Variants in MALRD1 observed in about 807,000 individuals in gnomAD.
MALRD1 encodes the protein MAM and LDL-receptor class A domain-containing protein 1.
Under a neutral mutation model 242.1 loss-of-function variants are expected in MALRD1, and 247 were observed. The observed-to-expected ratio is 1.02, with a 90% confidence interval of 0.92 to 1.13. The LOEUF (loss-of-function observed/expected upper bound fraction) is 1.13. Among genes scored for constraint, MALRD1 ranks in the 50% most tolerant of loss-of-function variants. The pLI, the probability that MALRD1 is intolerant of heterozygous loss-of-function variation, is 0.00. For missense variants in MALRD1, 2,989 were observed against 2,533.1 expected (o/e 1.18, Z -3.86); for synonymous variants, 995 against 866.6 (o/e 1.15, Z -2.60).
intron 2 of MALRD1, among the ~76,000 whole-genome samples, chr10:19,076,078 A>G (rs1835307751): frequency 6.6e-6 from 1 of 151,912 alleles, no homozygotes; most frequent in African/African-American, 2.4e-5. Context: ...TCTCTTTTAC[A>G]TGGTTCCAGT....
chr10:19,270,336 TCACACACACACACACACA>T (rs200537040), intron 19 of MALRD1, among the ~76,000 whole-genome samples: 31 of 130,962 alleles, frequency 2.4e-4, no homozygotes, highest in South Asian at 2.5e-4. Flanking sequence ...TCTCTCTCTC[TCACACACACACACACACA>T]CACACACACA....
intron 32 of MALRD1, among the ~76,000 whole-genome samples, chr10:19,560,654 C>G (rs111890889): frequency 1.9e-3 from 296 of 152,232 alleles, no homozygotes; most frequent in African/African-American, 6.9e-3. Flanking sequence ...GAGTTCATGT[C>G]TTTTGCCGGG....
rs973959301 is a variant in MALRD1, at chr10:19,187,741, G to A, written c.1951+12413G>A. The stretch of plus-strand genomic sequence containing the variant: ...AACCAAATACCACATGTTCTCACTC[G>A]TAAGTGGGAACTAAAACATTGAGTT... On this transcript the variant is annotated intron_variant, in intron 14 of 39. Coordinates refer to ENST00000454679, the MANE Select transcript of MALRD1 (RefSeq NM_001142308.3). Among the ~76,000 whole-genome samples the A allele has an allele frequency of 1.2e-4, 18 of 152,066 alleles. No homozygotes were observed. In the South Asian group the frequency reaches 2.9e-3, roughly 24 times the overall value.
intron 36 of MALRD1, among the ~76,000 whole-genome samples, chr10:19,643,256 A>AC (rs1199274319): frequency 6.6e-6 from 1 of 151,820 alleles, no homozygotes; most frequent in Non-Finnish European, 1.5e-5. Context: ...ACATGGTGAA[A>AC]CCCCGTCTCT....
At chr10:19,103,562 A>ATAAAT (rs1554789199) in intron 4 of MALRD1, among the ~76,000 whole-genome samples, 53 of 142,660 alleles carry the variant, frequency 3.7e-4, no homozygotes, top group Admixed American at 1.0e-3. Flanking sequence ...AAAAAAAAAA[A>ATAAAT]AAATAAATAA....
intron 36 of MALRD1, among the ~76,000 whole-genome samples, chr10:19,626,017 A>C (rs966395112): frequency 1.3e-5 from 2 of 152,180 alleles, no homozygotes; most frequent in African/African-American, 4.8e-5. Flanking sequence ...CCAAAGTTTC[A>C]AAAAGTCAAT....
intron 24 of MALRD1, among the ~76,000 whole-genome samples, chr10:19,335,790 T>C (rs1843579891): frequency 6.6e-6 from 1 of 152,072 alleles, no homozygotes; most frequent in Admixed American, 6.6e-5. Flanking sequence ...ATATAAAACA[T>C]TTCATGGAGA....
intron 18 of MALRD1, among the ~76,000 whole-genome samples, chr10:19,249,051 GTA>G (rs1043970572): frequency 9.5e-5 from 14 of 147,828 alleles, no homozygotes; most frequent in Admixed American, 3.4e-4. Context: ...ACATATGTGT[GTA>G]TATGTCTCTG....
intron 28 of MALRD1, among the ~76,000 whole-genome samples, chr10:19,438,350 C>A (rs1834443428): frequency 6.6e-6 from 1 of 152,108 alleles, no homozygotes; most frequent in South Asian, 2.1e-4. Flanking sequence ...AATAATATTC[C>A]ATTTTATGTA....
At chr10:19,072,616 GAATA>G (rs773474113) in intron 2 of MALRD1, among the ~76,000 whole-genome samples, 5 of 151,950 alleles carry the variant, frequency 3.3e-5, no homozygotes, top group Admixed American at 6.6e-5. Context: ...GGACATAAAT[GAATA>G]AAGAATATAA....
chr10:19,284,249 CT>C (rs35891152), intron 21 of MALRD1, among the ~76,000 whole-genome samples: 37,705 of 147,754 alleles, frequency 0.26, 4,847 homozygotes, highest in South Asian at 0.42. Context: ...TACATACCAA[CT>C]TTTTTTTTTT....
intron 32 of MALRD1, among the ~76,000 whole-genome samples, chr10:19,550,462 T>A (rs1162664693): frequency 6.6e-6 from 1 of 152,112 alleles, no homozygotes; most frequent in Non-Finnish European, 1.5e-5. Flanking sequence ...CTAGTACCAA[T>A]TAATTATTTT....
chr10:19,389,232 G>C, intron 27 of MALRD1: 1 of 653,318 alleles, frequency 1.5e-6, no homozygotes, highest in South Asian at 1.5e-5. Flanking sequence ...CAGTTAATCT[G>C]CATACTGTGA....
chr10:19,535,433 T>A, intron 32 of MALRD1, among the ~76,000 whole-genome samples: 1 of 151,520 alleles, frequency 6.6e-6, no homozygotes, highest in Non-Finnish European at 1.5e-5. Flanking sequence ...TGAAAATGTG[T>A]ATATGGCTAT....
Position 19,214,455 on chromosome 10 carries a change from A to G in MALRD1, c.2991+4775A>G, listed in dbSNP as rs7071296. On this transcript the variant is annotated intron_variant, in intron 18 of 39. Transcript: ENST00000454679. ...CATGGTCATTGCAGAAGTCAACCTA[A>G]CTGATATTTATCAATACAGTCTGTT... 4.7e-3 allele frequency among the ~76,000 whole-genome samples: 723 copies of G among 152,250 alleles called. 6 individuals are homozygous for G. Among genetic ancestry groups the G allele is most frequent in the Middle Eastern group, 0.017 (5 of 294 alleles).
At chr10:19,314,650 A>G (rs1591331) in intron 21 of MALRD1, among the ~76,000 whole-genome samples, 92,872 of 151,378 alleles carry the variant, frequency 0.61, 28,694 homozygotes, top group African/African-American at 0.67. Flanking sequence ...GCAAAATCCA[A>G]TCTGATGCCT....
In MALRD1 at chr10:19,257,667, T is replaced by G. The variant is rs1215962373; in HGVS notation, c.2992-17T>G. On this transcript the variant is annotated splice_polypyrimidine_tract_variant and intron_variant, in intron 18 of 39. Transcript: ENST00000454679. The stretch of plus-strand genomic sequence containing the variant: ...TAAACACATTTCTTATTTTTATTTT[T>G]TATTTTATTTTTTTAGATATTGGTG... The G allele has an allele frequency of 6.7e-7, 1 of 1,495,178 alleles. No homozygotes were observed. 92.6% of individuals were successfully genotyped at this position (1,495,178 alleles called of 1,614,324 possible). A position where few individuals can be genotyped will look rare whatever the true frequency, so the allele number is the denominator to read the frequency against.
At chr10:19,603,243 G>T (rs917056465) in intron 34 of MALRD1, among the ~76,000 whole-genome samples, 1 of 152,142 alleles carries the variant, frequency 6.6e-6, no homozygotes, top group Non-Finnish European at 1.5e-5. Context: ...ATTGCTTTTG[G>T]TGTTTTAGAC....
chr10:19,159,098 G>A lies in MALRD1; in HGVS notation c.1656+3926G>A, dbSNP rs536008649. Among the ~76,000 whole-genome samples, 61 of 152,206 alleles carry A rather than the reference G, an allele frequency of 4.0e-4. 1 individual carries two copies. The highest frequency in any genetic ancestry group is 1.4e-3 in the African/African-American group (58 of 41,530). ...CACATAAAGATTAATCATTTAAACC[G>A]GAAAAACAGATTCGGTTTTATTGAA... is the stretch of plus-strand genomic sequence containing the variant. On this transcript the variant is annotated intron_variant, in intron 12 of 39. Coordinates refer to ENST00000454679, the MANE Select transcript of MALRD1 (RefSeq NM_001142308.3).
Sources: gnomAD v4.1 joint callset for allele counts (sites outside exome capture counted in the v4.1 genomes callset) on GRCh38, gnomAD v4.1.1 for gene constraint, MANE v1.5 for transcripts, NCBI Gene and HGNC (gene_info 2026-07-23, HGNC 2026-07-21) for gene names.